Variants in ARHGEF6 observed in about 807,000 individuals in gnomAD.
ARHGEF6 encodes the protein rho guanine nucleotide exchange factor 6.
Under a neutral mutation model 70.3 loss-of-function variants are expected in ARHGEF6, and 9 were observed. The ratio of observed to expected loss-of-function variants is 0.13; its 90% CI spans 0.08 to 0.22. The LOEUF (loss-of-function observed/expected upper bound fraction) is 0.22, where lower values mean the gene tolerates loss of function less well. ARHGEF6 is among the 10% of genes least tolerant of loss of function. The pLI is 1.00. For missense variants in ARHGEF6, 470 were observed against 563.0 expected (o/e 0.83, Z 1.67); for synonymous variants, 201 against 207.8 (o/e 0.97, Z 0.28).
At chrX:136,672,921 C>T (rs2148567557) in intron 19 of ARHGEF6, among the ~76,000 whole-genome samples, 1 of 112,153 alleles carries the variant, frequency 8.9e-6, no homozygotes, top group South Asian at 3.7e-4. Flanking sequence ...CTTCACTTGA[C>T]CACCTCCCCT....
chrX:136,672,270 T>C, intron 19 of ARHGEF6, 151 bp from the exon 20 acceptor site: 1 of 496,008 alleles, frequency 2.0e-6, no homozygotes, highest in South Asian at 3.0e-5. Flanking sequence ...TCACCCATCA[T>C]TTGCTGACTA....
chrX:136,765,031 G>C (rs958573393), intron 2 of ARHGEF6, among the ~76,000 whole-genome samples: 2 of 111,940 alleles, frequency 1.8e-5, no homozygotes, highest in Admixed American at 9.5e-5. Context: ...TCTGGAGTCA[G>C]GTACATCAGT....
chrX:136,699,466 C>T (rs1438506321), intron 9 of ARHGEF6, among the ~76,000 whole-genome samples: 1 of 111,301 alleles, frequency 9.0e-6, no homozygotes, highest in Non-Finnish European at 1.9e-5. Context: ...TCAGCTCTGA[C>T]ATCGAAAGAG....
chrX:136,698,312 A>G (rs2076532620), intron 9 of ARHGEF6, among the ~76,000 whole-genome samples: 1 of 111,668 alleles, frequency 9.0e-6, no homozygotes, highest in South Asian at 3.7e-4. Context: ...TGGAAGTACT[A>G]AAAAGAGAGG....
rs1173718380 is a variant in ARHGEF6, at chrX:136,677,963, T to A, written c.1831-7A>T. On this transcript the variant is annotated splice_polypyrimidine_tract_variant and splice_region_variant and intron_variant, in intron 16 of 21. Transcript: ENST00000250617. The stretch of plus-strand genomic sequence containing the variant: ...TTAAGATATAAGACATCCTCTAAAA[T>A]GAATATGTAAAGAAAGAGAAGATGA... 8.3e-7 allele frequency: 1 copy of A among 1,201,024 alleles called. No homozygotes were observed. Among genetic ancestry groups the A allele is most frequent in the Admixed American group, 2.2e-5 (1 of 45,720 alleles).
intron 2 of ARHGEF6, among the ~76,000 whole-genome samples, chrX:136,766,391 T>TG (rs1325123148): frequency 5.6e-4 from 53 of 94,255 alleles, no homozygotes; most frequent in African/African-American, 1.6e-3. Context: ...GAGGTTTTTT[T>TG]TGGGGGGGGG....
At chrX:136,700,774 A>G (rs1045507792) in intron 9 of ARHGEF6, among the ~76,000 whole-genome samples, 2 of 112,416 alleles carry the variant, frequency 1.8e-5, no homozygotes, top group Admixed American at 9.4e-5. Flanking sequence ...CAGTCTGAGG[A>G]GACAAAGCAA....
intron 6 of ARHGEF6, among the ~76,000 whole-genome samples, chrX:136,731,718 A>G (rs1205564067): frequency 1.8e-5 from 2 of 112,388 alleles, no homozygotes; most frequent in African/African-American, 6.5e-5. Context: ...CTAAAGTAAA[A>G]TTACAAAATG....
chrX:136,667,999 G>A lies in ARHGEF6; in HGVS notation c.*30C>T. 1 of 1,210,325 alleles carries A rather than the reference G, an allele frequency of 8.3e-7. No individual in the cohort carries two copies. The highest frequency in any genetic ancestry group is 1.1e-6 in the Non-Finnish European group (1 of 894,402). On this transcript the variant is annotated 3_prime_UTR_variant, in exon 22 of 22. Transcript: ENST00000250617. ...GCGGGACATTTCAAGATGCCCTGAA[G>A]GCACACTCCACCCAGTGGCACAGTG...
chrX:136,747,490 A>G lies in ARHGEF6; in HGVS notation c.334+18T>C. 8.3e-7 allele frequency: 1 copy of G among 1,199,650 alleles called. No individual in the cohort carries two copies. The highest frequency in any genetic ancestry group is 1.8e-5 in the African/African-American group (1 of 57,094). ...CAAAAATGTCACCCAGAACATATAA[A>G]TCACAAGCCCGGCTTACCTTCTGTT... On this transcript the variant is annotated intron_variant, in intron 3 of 21. Coordinates refer to ENST00000250617, the MANE Select transcript of ARHGEF6 (RefSeq NM_004840.3).
At chrX:136,684,564 C>T (rs1167459427) in intron 12 of ARHGEF6, among the ~76,000 whole-genome samples, 2 of 110,361 alleles carry the variant, frequency 1.8e-5, no homozygotes, top group East Asian at 5.7e-4. Flanking sequence ...CCCCCCACCC[C>T]CCGGGCTTCT....
chrX:136,670,732 G>GTC, intron 20 of ARHGEF6, among the ~76,000 whole-genome samples: 1 of 112,027 alleles, frequency 8.9e-6, no homozygotes, highest in Non-Finnish European at 1.9e-5. Flanking sequence ...CTAGTCTACA[G>GTC]TATCTGTGCT....
At position 136,755,616 on chromosome X, in the gene ARHGEF6, C is replaced by T. The variant is rs184037600; in HGVS notation, c.250-8024G>A. Among the ~76,000 whole-genome samples, 3 of 111,896 alleles carry T rather than the reference C, an allele frequency of 2.7e-5. No individual in the cohort carries two copies. In the East Asian group the frequency reaches 8.4e-4, roughly 31 times the overall value. ...ATGAAACAAAAGAGCCACTGCTAGT[C>T]GCCTTCAGCAGCAGCCCTTCCAAGT... On this transcript the variant is annotated intron_variant, in intron 2 of 21. Transcript: ENST00000250617.
chrX:136,767,046 A>C, intron 2 of ARHGEF6: 1 of 706,103 alleles, frequency 1.4e-6, no homozygotes, highest in Non-Finnish European at 1.7e-6. Flanking sequence ...GCAGTGGGGA[A>C]GAAGGGCGGT....
At position 136,666,308 on chromosome X, in the gene ARHGEF6, G is replaced by A. The variant is rs1276472123; in HGVS notation, c.*1721C>T. ...TAGCTATGGGACCTTGAGACTCTCA[G>A]TACCAAAAATAAAAAGGGCTCCTCA... On this transcript the variant is annotated 3_prime_UTR_variant, in exon 22 of 22. Coordinates refer to ENST00000250617, the MANE Select transcript of ARHGEF6 (RefSeq NM_004840.3). 8.9e-6 allele frequency: 1 copy of A among 112,281 alleles called. No individual in the cohort carries two copies. Among genetic ancestry groups the A allele is most frequent in the Non-Finnish European group, 1.9e-5 (1 of 53,267 alleles). 9.3% of individuals were successfully genotyped at this position (112,281 alleles called of 1,213,427 possible).
intron 2 of ARHGEF6, among the ~76,000 whole-genome samples, chrX:136,766,389 T>TA (rs2077314409): frequency 3.2e-5 from 3 of 94,323 alleles, no homozygotes; most frequent in African/African-American, 7.9e-5. Context: ...GTGAGGTTTT[T>TA]TTTGGGGGGG....
At chrX:136,686,734 A>ATATG (rs1556216528) in intron 11 of ARHGEF6, among the ~76,000 whole-genome samples, 1 of 88,878 alleles carries the variant, frequency 1.1e-5, no homozygotes, top group East Asian at 3.4e-4. Context: ...ATATATATAT[A>ATATG]TATCTCACTG....
Position 136,690,885 on chromosome X carries a change from A to G in ARHGEF6, c.1047-137T>C. On this transcript the variant is annotated intron_variant, in intron 9 of 21. Coordinates refer to ENST00000250617, the MANE Select transcript of ARHGEF6 (RefSeq NM_004840.3). Reference sequence around the variant, plus strand: ...GTTTTACTAGTCCAAATGCTGTTCAATTTGTTTTGGCTCAACTAAATCAGG... The same window carrying G: ...GTTTTACTAGTCCAAATGCTGTTCAGTTTGTTTTGGCTCAACTAAATCAGG... The G allele has an allele frequency of 6.8e-6, 5 of 730,041 alleles. No homozygotes were observed. In the South Asian group the frequency reaches 1.3e-4, roughly 19 times the overall value. The allele number at this position is 730,041 out of a possible 1,213,427, so 60.2% of individuals were successfully genotyped here. A position where few individuals can be genotyped will look rare whatever the true frequency, so the allele number is the denominator to read the frequency against.
intron 21 of ARHGEF6, 82 bp downstream of exon 21, chrX:136,669,400 C>G: frequency 4.2e-6 from 4 of 949,386 alleles, no homozygotes; most frequent in Non-Finnish European, 3.0e-6. Context: ...GCTCCTAGGC[C>G]TTCCCTGAAA....
Sources: gnomAD v4.1 joint callset for allele counts (sites outside exome capture counted in the v4.1 genomes callset) on GRCh38, gnomAD v4.1.1 for gene constraint, MANE v1.5 for transcripts, NCBI Gene and HGNC (gene_info 2026-07-23, HGNC 2026-07-21) for gene names.